The following SYT1 variants were observed in gnomAD, a reference collection of about 807,000 sequenced individuals.
SYT1 encodes synaptotagmin-1.
A neutral mutation model predicts 44.8 loss-of-function variants in SYT1; 8 were observed. The observed-to-expected ratio is 0.18, with a 90% confidence interval of 0.10 to 0.32. The LOEUF (loss-of-function observed/expected upper bound fraction) is 0.32, where lower values mean the gene tolerates loss of function less well. Among genes scored for constraint, SYT1 ranks in the 10% least tolerant of loss-of-function variants. The pLI is 1.00. For missense variants in SYT1, 286 were observed against 509.3 expected (o/e 0.56, Z 4.22); for synonymous variants, 154 against 188.8 (o/e 0.82, Z 1.51).
chr12:79,409,396 A>G (rs1420656407), intron 9 of SYT1, among the ~76,000 whole-genome samples: 1 of 152,142 alleles, frequency 6.6e-6, no homozygotes, highest in Non-Finnish European at 1.5e-5. Context: ...GTATTGCAGT[A>G]TCAGTTTGGT....
chr12:79,014,007 T>A (rs868666261), intron 2 of SYT1, among the ~76,000 whole-genome samples: 26 of 139,730 alleles, frequency 1.9e-4, no homozygotes, highest in African/African-American at 6.3e-4. Flanking sequence ...GCGCCTGTAG[T>A]CCCAGTACTC....
intron 9 of SYT1, among the ~76,000 whole-genome samples, chr12:79,396,839 G>T (rs138441085): frequency 3.3e-5 from 5 of 152,326 alleles, no homozygotes; most frequent in African/African-American, 1.2e-4. Flanking sequence ...TATTCTGGAA[G>T]AGAGAGTTAA....
intron 4 of SYT1, among the ~76,000 whole-genome samples, chr12:79,249,073 T>TCTCTTTAC (rs1877022554): frequency 6.8e-6 from 1 of 146,810 alleles, no homozygotes; most frequent in South Asian, 2.1e-4. Context: ...TATTCCCTCT[T>TCTCTTTAC]CTCTTTACCT....
intron 3 of SYT1, among the ~76,000 whole-genome samples, chr12:79,064,926 G>GAGAGAGAAAGAA (rs1555194727): frequency 1.6e-4 from 18 of 111,530 alleles, no homozygotes; most frequent in African/African-American, 6.4e-4. Context: ...AAAAAATAGA[G>GAGAGAGAAAGAA]AGAAAGAAAG....
intron 3 of SYT1, among the ~76,000 whole-genome samples, chr12:79,143,523 G>T (rs1869693698): frequency 6.6e-6 from 1 of 152,180 alleles, no homozygotes; most frequent in South Asian, 2.1e-4. Context: ...CAGCCCTGAT[G>T]GGGCTGCTAT....
At chr12:79,257,614 A>T (rs940477680) in intron 4 of SYT1, among the ~76,000 whole-genome samples, 1 of 151,734 alleles carries the variant, frequency 6.6e-6, no homozygotes, top group Non-Finnish European at 1.5e-5. Flanking sequence ...CAGCCTCCCG[A>T]GTAGCTGGGA....
chr12:79,175,368 A>G (rs1461623224), intron 3 of SYT1, among the ~76,000 whole-genome samples: 1 of 152,040 alleles, frequency 6.6e-6, no homozygotes, highest in Admixed American at 6.6e-5. Context: ...CTTCACTCGT[A>G]TTTAGTCTCA....
intron 1 of SYT1, among the ~76,000 whole-genome samples, chr12:78,942,611 C>T (rs749104787): frequency 2.0e-5 from 3 of 152,146 alleles, no homozygotes; most frequent in East Asian, 1.9e-4. Context: ...TCTGTGGTTA[C>T]CTATATATTT....
intron 5 of SYT1, among the ~76,000 whole-genome samples, chr12:79,291,272 G>A (rs542577766): frequency 1.3e-5 from 2 of 152,084 alleles, no homozygotes; most frequent in Non-Finnish European, 2.9e-5. Flanking sequence ...GAATTCTTAT[G>A]CCAATTTGTT....
chr12:78,922,552 T>C (rs1330284575), intron 1 of SYT1, among the ~76,000 whole-genome samples: 2 of 151,908 alleles, frequency 1.3e-5, no homozygotes, highest in African/African-American at 4.8e-5. Flanking sequence ...AAATTATAAA[T>C]GCTAATTGTT....
chr12:78,979,117 G>T lies in SYT1; in HGVS notation c.-84+1186G>T, dbSNP rs145770847. Among the ~76,000 whole-genome samples the T allele has an allele frequency of 8.4e-4, 128 of 152,134 alleles. 4 individuals are homozygous for T. The East Asian group carries it at 0.023, about 27-fold the overall frequency. ...CATGGATTTCTTTTTAAACAAAGTG[G>T]TTCTGGAAATGCATATACCCAGTAT... On this transcript the variant is annotated intron_variant, in intron 2 of 10. Transcript: ENST00000261205.
At chr12:79,369,710 T>A (rs1883703547) in intron 9 of SYT1, among the ~76,000 whole-genome samples, 1 of 152,228 alleles carries the variant, frequency 6.6e-6, no homozygotes. Flanking sequence ...TATCTTTTTT[T>A]ATTTTTTTTG....
intron 4 of SYT1, among the ~76,000 whole-genome samples, chr12:79,227,975 G>T (rs973448415): frequency 4.6e-5 from 7 of 151,448 alleles, no homozygotes; most frequent in Non-Finnish European, 1.0e-4. Context: ...CCATTCCAAT[G>T]ATCTCTGTGT....
At chr12:78,925,187 C>G in intron 1 of SYT1, among the ~76,000 whole-genome samples, 1 of 151,886 alleles carries the variant, frequency 6.6e-6, no homozygotes, top group Non-Finnish European at 1.5e-5. Context: ...TCTATCTTCT[C>G]CCTTTTCCAT....
intron 3 of SYT1, among the ~76,000 whole-genome samples, chr12:79,145,361 T>C (rs897187571): frequency 6.6e-6 from 1 of 152,160 alleles, no homozygotes; most frequent in Admixed American, 6.5e-5. Context: ...CATTTTGTTA[T>C]ATGTGAATTT....
At chr12:79,307,022 A>G (rs1880429801) in intron 8 of SYT1, among the ~76,000 whole-genome samples, 1 of 152,328 alleles carries the variant, frequency 6.6e-6, no homozygotes, top group African/African-American at 2.4e-5. Context: ...TGAGTTCATC[A>G]TATGCTTGGG....
rs552943577 is a variant in SYT1 at position 78,927,022 on chromosome 12, A to G, written c.-216-50777A>G. 5.9e-5 allele frequency among the ~76,000 whole-genome samples: 9 copies of G among 152,258 alleles called. 1 individual carries two copies. Among genetic ancestry groups the G allele is most frequent in the African/African-American group, 1.9e-4 (8 of 41,566 alleles). On this transcript the variant is annotated intron_variant, in intron 1 of 10. Coordinates refer to ENST00000261205, the MANE Select transcript of SYT1 (RefSeq NM_005639.3). ...ACCCAGAATTTTCTTAAAGTAATAC[A>G]CAGATGCTTACTGATTGGTTAGTAC...
At chr12:78,920,631 A>G (rs1468951528) in intron 1 of SYT1, among the ~76,000 whole-genome samples, 1 of 151,986 alleles carries the variant, frequency 6.6e-6, no homozygotes, top group Non-Finnish European at 1.5e-5. Context: ...TGAGAATAGA[A>G]ATAGCTCTTT....
intron 3 of SYT1, among the ~76,000 whole-genome samples, chr12:79,180,762 C>G (rs1379021527): frequency 6.6e-6 from 1 of 151,990 alleles, no homozygotes; most frequent in African/African-American, 2.4e-5. Context: ...AGAAATCACC[C>G]CTATGATCCA....
Sources: allele counts gnomAD v4.1 joint callset (sites outside exome capture counted in the v4.1 genomes callset), GRCh38; gene constraint gnomAD v4.1.1; transcripts MANE v1.5; gene names NCBI Gene and HGNC (gene_info 2026-07-23, HGNC 2026-07-21).